The following GALNT16 variants were observed in gnomAD, a reference collection of about 807,000 sequenced individuals.
GALNT16 encodes the protein UDP-GalNAc:polypeptide N-acetylgalactosaminyltransferase-like protein 1.
GALNT16 carries 40 observed loss-of-function variants against 76.1 expected under a neutral mutation model. That is an observed-to-expected ratio of 0.53 (90% CI 0.41 to 0.68). The LOEUF (loss-of-function observed/expected upper bound fraction) is 0.68, where lower values mean the gene tolerates loss of function less well. GALNT16 is among the 30% of genes least tolerant of loss of function. The pLI, the probability that GALNT16 is intolerant of heterozygous loss-of-function variation, is 0.00. For missense variants in GALNT16, 621 were observed against 731.9 expected (o/e 0.85, Z 1.75); for synonymous variants, 276 against 285.2 (o/e 0.97, Z 0.32).
chr14:69,366,908 C>A, the GALNT16 span, among the ~76,000 whole-genome samples: 1 of 152,156 alleles, frequency 6.6e-6, no homozygotes, highest in African/African-American at 2.4e-5. Flanking sequence ...CCACACAGTG[C>A]AATATAAGCC....
At chr14:69,334,353 C>G (rs924307895) in intron 9 of GALNT16, among the ~76,000 whole-genome samples, 31 of 152,276 alleles carry the variant, frequency 2.0e-4, no homozygotes, top group African/African-American at 7.2e-4. Flanking sequence ...GGATCGGAGC[C>G]CAAACTCTGG....
intron 6 of GALNT16, among the ~76,000 whole-genome samples, chr14:69,329,939 G>T (rs1161699201): frequency 6.6e-6 from 1 of 152,046 alleles, no homozygotes; most frequent in African/African-American, 2.4e-5. Flanking sequence ...TGAGATTTGG[G>T]GGGATAAATA....
Position 69,260,279 on chromosome 14 carries a change from C to G in GALNT16, c.-12C>G, listed in dbSNP as rs200155729. 383 of 1,611,518 alleles carry G rather than the reference C, an allele frequency of 2.4e-4. No individual in the cohort carries two copies. Among genetic ancestry groups the G allele is most frequent in the Middle Eastern group, 3.3e-4 (2 of 6,054 alleles). ...GGCCCAGTCCCCCACCTGGGGCGCCCGTCTGCCCACCATGAGGAAGATCCG... is the reference window on the plus strand; with the variant it reads ...GGCCCAGTCCCCCACCTGGGGCGCCGGTCTGCCCACCATGAGGAAGATCCG... On this transcript the variant is annotated 5_prime_UTR_variant, in exon 1 of 15. Coordinates refer to ENST00000448469, the MANE Select transcript of GALNT16 (RefSeq NM_001168368.2).
Position 69,339,562 on chromosome 14 carries a change from A to C in GALNT16, c.1130A>C (p.Glu377Ala). ...CGCACTGCAGAAGTGTGGATGGATGAATACAAGCAATACTACTATGAGGCC... is the reference window on the plus strand; with the variant it reads ...CGCACTGCAGAAGTGTGGATGGATGCATACAAGCAATACTACTATGAGGCC... ...TKRTAEVWMD[E>A]YKQYYYEARP... Residue 377 changes from glutamate (E) to alanine (A), a missense_variant, in exon 11 of 15, where the codon GAA becomes GCA. Physicochemically the swap from Glu to Ala is moderately radical, Grantham distance 107. Coordinates refer to ENST00000448469, the MANE Select transcript of GALNT16 (RefSeq NM_001168368.2). 6.2e-7 allele frequency: 1 copy of C among 1,613,300 alleles called. No individual in the cohort carries two copies. Among genetic ancestry groups the C allele is most frequent in the South Asian group, 1.1e-5 (1 of 91,040 alleles).
At chr14:69,272,436 C>T (rs1014976058) in intron 1 of GALNT16, among the ~76,000 whole-genome samples, 1 of 152,162 alleles carries the variant, frequency 6.6e-6, no homozygotes, top group Non-Finnish European at 1.5e-5. Context: ...CAGTCATGTG[C>T]TGCAACAATG....
rs2045378735 is a variant in GALNT16, at chr14:69,333,271, A to C, written c.863+102A>C. The stretch of plus-strand genomic sequence containing the variant: ...TCGGTCGCTTGGGCTCCTGAGGCGC[A>C]CTAAGTGCTGACTCTGTTCTGGGCC... On this transcript the variant is annotated intron_variant, in intron 8 of 14. Coordinates refer to ENST00000448469, the MANE Select transcript of GALNT16 (RefSeq NM_001168368.2). The surrounding 1 kb of genome is among the most constrained non-coding windows in gnomAD (Gnocchi z 4.2). The C allele has an allele frequency of 3.8e-6, 3 of 796,492 alleles. No individual in the cohort carries two copies. Among genetic ancestry groups the C allele is most frequent in the South Asian group, 3.4e-5 (2 of 59,446 alleles). 49.3% of individuals were successfully genotyped at this position (796,492 alleles called of 1,614,324 possible). A position where few individuals can be genotyped will look rare whatever the true frequency, so the allele number is the denominator to read the frequency against.
At chr14:69,349,354 A>T (rs1368618761) in intron 14 of GALNT16, 1 of 151,286 alleles carries the variant, frequency 6.6e-6, no homozygotes, top group Non-Finnish European at 1.5e-5. Flanking sequence ...GCTGAATCAC[A>T]CATTTCCCCC....
chr14:69,306,132 C>A (rs539745062), intron 1 of GALNT16, among the ~76,000 whole-genome samples: 80 of 152,152 alleles, frequency 5.3e-4, no homozygotes, highest in Non-Finnish European at 1.1e-3. Flanking sequence ...GTGTCTATGC[C>A]AATTCCATAC....
At position 69,324,565 on chromosome 14, in the gene GALNT16, C is replaced by G. The variant is rs2140169060; in HGVS notation, c.336-127C>G. On this transcript the variant is annotated intron_variant, in intron 2 of 14. Coordinates refer to ENST00000448469, the MANE Select transcript of GALNT16 (RefSeq NM_001168368.2). ...GGGGTGGAGGCGCGGGGCCTCTGGC[C>G]TGGCTGTTGGTGTGCCTTCTCTGCC... The G allele has an allele frequency of 5.7e-6, 3 of 529,498 alleles. No homozygotes were observed. In the East Asian group the frequency reaches 9.6e-5, roughly 17 times the overall value. The allele number at this position is 529,498 out of a possible 1,614,324, so 32.8% of individuals were successfully genotyped here.
chr14:69,329,173 C>T (rs1159371537), intron 6 of GALNT16, among the ~76,000 whole-genome samples: 1 of 152,180 alleles, frequency 6.6e-6, no homozygotes, highest in African/African-American at 2.4e-5. Flanking sequence ...GCCTGGCCAA[C>T]ATGGTGAAAC....
At position 69,285,109 on chromosome 14, in the gene GALNT16, C is replaced by A. The variant is rs145810441; in HGVS notation, c.177+24642C>A. On this transcript the variant is annotated intron_variant, in intron 1 of 14. Transcript: ENST00000448469. ...AGGCTGGAGTGGGGCAGCAAGATCT[C>A]GGCTCACTGCAAGCTCCGCCTCCCG... 7.4e-3 allele frequency among the ~76,000 whole-genome samples: 1,086 copies of A among 147,484 alleles called. 15 individuals are homozygous for A. Among genetic ancestry groups the A allele is most frequent in the African/African-American group, 0.026 (1,032 of 39,878 alleles).
intron 1 of GALNT16, among the ~76,000 whole-genome samples, chr14:69,266,450 C>T (rs2044343252): frequency 6.6e-6 from 1 of 152,178 alleles, no homozygotes; most frequent in Admixed American, 6.5e-5. Flanking sequence ...CCTTCTTAAC[C>T]ACATCTCACA....
At chr14:69,372,491 C>CTT in the GALNT16 span, among the ~76,000 whole-genome samples, 1,430 of 103,758 alleles carry the variant, frequency 0.014, 27 homozygotes, top group Non-Finnish European at 0.018. Flanking sequence ...GATCATTAGC[C>CTT]TTTTTTTTTT....
chr14:69,291,806 A>C (rs1446146624), intron 1 of GALNT16, among the ~76,000 whole-genome samples: 1 of 152,216 alleles, frequency 6.6e-6, no homozygotes, highest in Non-Finnish European at 1.5e-5. Flanking sequence ...GAATGCTCAC[A>C]GGCTTATAAG....
intron 1 of GALNT16, among the ~76,000 whole-genome samples, chr14:69,286,571 T>C (rs1385753388): frequency 2.6e-5 from 4 of 152,216 alleles, no homozygotes; most frequent in Non-Finnish European, 2.9e-5. Flanking sequence ...TCCAAAGTGC[T>C]GGGATTACAG....
At chr14:69,334,043 G>C (rs144957595) in intron 9 of GALNT16, among the ~76,000 whole-genome samples, 1 of 152,254 alleles carries the variant, frequency 6.6e-6, no homozygotes, top group Admixed American at 6.5e-5. Flanking sequence ...CCTGCATGCT[G>C]TTTGGCCCTG....
chr14:69,361,012 A>G (rs1256447819), downstream of GALNT16, among the ~76,000 whole-genome samples: 1 of 152,222 alleles, frequency 6.6e-6, no homozygotes, highest in Non-Finnish European at 1.5e-5. Context: ...GGCTGGGCTG[A>G]GGGTTGCCAC....
intron 1 of GALNT16, among the ~76,000 whole-genome samples, chr14:69,302,480 C>T (rs1378475797): frequency 6.6e-6 from 1 of 152,126 alleles, no homozygotes; most frequent in Non-Finnish European, 1.5e-5. Context: ...TGAGCACTGT[C>T]TCCTGTTGTT....
chr14:69,273,917 C>T (rs2044438267), intron 1 of GALNT16, among the ~76,000 whole-genome samples: 1 of 152,190 alleles, frequency 6.6e-6, no homozygotes, highest in Non-Finnish European at 1.5e-5. Context: ...TGCTTAAAAA[C>T]AGGAGCTGTG....
Sources: allele counts gnomAD v4.1 joint callset (sites outside exome capture counted in the v4.1 genomes callset), GRCh38; gene constraint gnomAD v4.1.1; non-coding constraint Gnocchi (gnomAD v3.1); transcripts MANE v1.5; gene names NCBI Gene and HGNC (gene_info 2026-07-23, HGNC 2026-07-21).